LY96: variants seen among roughly 807,000 people sequenced by gnomAD.
LY96 encodes lymphocyte antigen 96.
A neutral mutation model predicts 18.9 loss-of-function variants in LY96; 18 were observed. The ratio of observed to expected loss-of-function variants is 0.95; its 90% CI spans 0.66 to 1.41. LY96 has a LOEUF of 1.41. Ranked by LOEUF, LY96 falls within the 40% of genes most tolerant of loss-of-function variation. LY96 has a pLI of 0.00. For synonymous variants in LY96, 66 were observed against 62.6 expected (o/e 1.06, Z -0.26); for missense variants, 175 against 182.4 (o/e 0.96, Z 0.23).
At chr8:74,070,540 ATTC>A in the LY96 span, among the ~76,000 whole-genome samples, 2 of 151,924 alleles carry the variant, frequency 1.3e-5, no homozygotes, top group African/African-American at 4.8e-5. Flanking sequence ...AACTATGATC[ATTC>A]TTCTTTTTGA....
At chr8:74,036,807 T>C in the LY96 span, among the ~76,000 whole-genome samples, 1 of 152,224 alleles carries the variant, frequency 6.6e-6, no homozygotes, top group East Asian at 1.9e-4. Context: ...CATTAAGCTC[T>C]CTGAGTAGCT....
the LY96 span, among the ~76,000 whole-genome samples, chr8:74,070,115 G>A: frequency 2.8e-5 from 4 of 144,906 alleles, no homozygotes; most frequent in Admixed American, 2.1e-4. Flanking sequence ...TTTTTGAGAC[G>A]CGGTGTCACT....
chr8:74,070,735 T>A, the LY96 span, among the ~76,000 whole-genome samples: 10,123 of 147,834 alleles, frequency 0.068, 494 homozygotes, highest in African/African-American at 0.16. Flanking sequence ...GCCTTGCTTT[T>A]TTAAAAAAAA....
chr8:74,061,485 A>G, the LY96 span, among the ~76,000 whole-genome samples: 1 of 152,204 alleles, frequency 6.6e-6, no homozygotes, highest in Non-Finnish European at 1.5e-5. Flanking sequence ...GGATGGAGGA[A>G]GAAATAAGGA....
the LY96 span, among the ~76,000 whole-genome samples, chr8:74,090,709 T>C: frequency 6.6e-6 from 1 of 152,236 alleles, no homozygotes; most frequent in Admixed American, 6.5e-5. Context: ...GGCTTACTGA[T>C]GTAGATCAAA....
At chr8:74,008,832 G>T (rs1212493451) in intron 2 of LY96, among the ~76,000 whole-genome samples, 1 of 152,148 alleles carries the variant, frequency 6.6e-6, no homozygotes, top group Non-Finnish European at 1.5e-5. Context: ...GAGAACTGAG[G>T]ATAGATCCTG....
the LY96 span, among the ~76,000 whole-genome samples, chr8:74,092,523 T>C: frequency 6.6e-6 from 1 of 152,198 alleles, no homozygotes; most frequent in African/African-American, 2.4e-5. Context: ...GCCATTTCTC[T>C]CCTGAATTCA....
At chr8:74,036,031 T>C in the LY96 span, among the ~76,000 whole-genome samples, 1 of 152,230 alleles carries the variant, frequency 6.6e-6, no homozygotes, top group Non-Finnish European at 1.5e-5. Flanking sequence ...ATCTTTAACC[T>C]TGGCAAAATA....
intron 1 of LY96, among the ~76,000 whole-genome samples, chr8:73,993,842 G>A (rs997353005): frequency 6.6e-6 from 1 of 152,194 alleles, no homozygotes; most frequent in Non-Finnish European, 1.5e-5. Flanking sequence ...GCCTCCCAAA[G>A]TGCTGGGATT....
intron 1 of LY96, among the ~76,000 whole-genome samples, chr8:74,003,414 A>G (rs1278135904): frequency 6.6e-6 from 1 of 152,246 alleles, no homozygotes. Flanking sequence ...CAATTGTGAC[A>G]GGTTCATAAC....
chr8:74,012,677 TAAA>T (rs1816553591), intron 3 of LY96, among the ~76,000 whole-genome samples: 1 of 151,958 alleles, frequency 6.6e-6, no homozygotes, highest in Non-Finnish European at 1.5e-5. Flanking sequence ...AATAAATAAA[TAAA>T]AAAGTCACTC....
chr8:74,095,760 A>T, the LY96 span, among the ~76,000 whole-genome samples: 1 of 152,120 alleles, frequency 6.6e-6, no homozygotes, highest in Non-Finnish European at 1.5e-5. Flanking sequence ...CTCAGACCTT[A>T]GATCGCTCCT....
intron 1 of LY96, among the ~76,000 whole-genome samples, chr8:74,001,980 C>CCT (rs1563710462): frequency 3.5e-4 from 32 of 90,214 alleles, no homozygotes; most frequent in Middle Eastern, 5.7e-3. Flanking sequence ...CCTTCCTTCC[C>CCT]TCCCTCCCTC....
the LY96 span, among the ~76,000 whole-genome samples, chr8:74,035,749 G>C: frequency 6.6e-6 from 1 of 152,092 alleles, no homozygotes; most frequent in South Asian, 2.1e-4. Context: ...TAAAAACTTT[G>C]GTTTCCACAA....
At chr8:74,095,130 T>G in the LY96 span, among the ~76,000 whole-genome samples, 776 of 152,338 alleles carry the variant, frequency 5.1e-3, 4 homozygotes, top group Admixed American at 8.4e-3. Context: ...TAAAGAATGT[T>G]GCAAGCATCC....
At chr8:74,040,322 C>T in the LY96 span, among the ~76,000 whole-genome samples, 9 of 152,134 alleles carry the variant, frequency 5.9e-5, no homozygotes, top group Non-Finnish European at 8.8e-5. Context: ...TGCCTTGGCA[C>T]CTAGGTAATC....
At chr8:74,044,960 A>G in the LY96 span, among the ~76,000 whole-genome samples, 1 of 152,232 alleles carries the variant, frequency 6.6e-6, no homozygotes. Flanking sequence ...GACTCACATT[A>G]TACAACCTCT....
At chr8:74,031,163 G>A (rs1816963499), downstream of LY96, among the ~76,000 whole-genome samples, 1 of 152,070 alleles carries the variant, frequency 6.6e-6, no homozygotes, top group African/African-American at 2.4e-5. Flanking sequence ...CTCCTTTCCT[G>A]TCCATGACCA....
At chr8:74,050,784 G>T in the LY96 span, among the ~76,000 whole-genome samples, 1 of 152,164 alleles carries the variant, frequency 6.6e-6, no homozygotes, top group African/African-American at 2.4e-5. Flanking sequence ...AGGACTTTGG[G>T]AGGCCGAGGC....
Sources: gnomAD v4.1 joint callset for allele counts (sites outside exome capture counted in the v4.1 genomes callset) on GRCh38, gnomAD v4.1.1 for gene constraint, MANE v1.5 for transcripts, NCBI Gene and HGNC (gene_info 2026-07-23, HGNC 2026-07-21) for gene names.